Variants in PLEKHA7 observed in about 807,000 individuals in gnomAD.
The protein encoded by PLEKHA7 is pleckstrin homology domain containing A7, also known as pleckstrin homology domain-containing family A member 7.
A neutral mutation model predicts 170.0 loss-of-function variants in PLEKHA7; 104 were observed. That is an observed-to-expected ratio of 0.61 (90% CI 0.52 to 0.72). The LOEUF (loss-of-function observed/expected upper bound fraction) is 0.72, where lower values mean the gene tolerates loss of function less well. PLEKHA7 is among the 30% of genes least tolerant of loss of function. The probability of loss-of-function intolerance (pLI) is 0.00; values close to 1 mark genes in which losing one functional copy is unlikely to be tolerated. For missense variants in PLEKHA7, 1,615 were observed against 1,671.7 expected, an observed-to-expected ratio of 0.97 and a Z score of 0.59; for synonymous variants, 648 against 660.8, an observed-to-expected ratio of 0.98 and a Z score of 0.30.
At chr11:16,886,793 G>A (rs1856141205) in intron 3 of PLEKHA7, among the ~76,000 whole-genome samples, 1 of 150,640 alleles carries the variant, frequency 6.6e-6, no homozygotes, top group Non-Finnish European at 1.5e-5. Flanking sequence ...ACAATAACAT[G>A]TGACAACAGT....
chr11:16,907,513 G>A (rs1243247127), intron 3 of PLEKHA7, among the ~76,000 whole-genome samples: 1 of 113,078 alleles, frequency 8.8e-6, no homozygotes, highest in Non-Finnish European at 2.0e-5. Context: ...GGAGGGAGGC[G>A]GGGAGGTCAG....
At chr11:16,918,429 T>G (rs897952216) in intron 3 of PLEKHA7, among the ~76,000 whole-genome samples, 6 of 152,192 alleles carry the variant, frequency 3.9e-5, no homozygotes, top group Admixed American at 6.5e-5. Flanking sequence ...AAGGGGCAAC[T>G]GAAGCAGCCC....
In PLEKHA7 at chr11:16,789,163, T is replaced by C. The variant is rs759297170; in HGVS notation, c.3290A>G (p.Gln1097Arg). 1 of 1,612,160 alleles carries C rather than the reference T, an allele frequency of 6.2e-7. No individual in the cohort carries two copies. The highest frequency in any genetic ancestry group is 1.1e-5 in the South Asian group (1 of 91,082). Residue 1097 changes from glutamine to arginine, a missense_variant, in exon 23 of 27, where the codon CAA (glutamine) becomes CGA (arginine). By Grantham distance (43) the Gln-to-Arg change is conservative. Coordinates refer to ENST00000531066, the MANE Select transcript of PLEKHA7 (RefSeq NM_001329630.2). This position sits in a 1 kb window ranked among gnomAD's most constrained non-coding sequence, Gnocchi z 4.6. ...TGAGGGCAGGCCCGTCCTCTCCCCT[T>C]GGCCCAGTGTCCTCTTGCGCTCTCG... ...LVRERKRTLG[Q>R]GERTGLPSSR... is the part of the protein sequence containing the mutation.
intron 8 of PLEKHA7, among the ~76,000 whole-genome samples, chr11:16,849,302 A>G (rs986409075): frequency 6.6e-6 from 1 of 152,228 alleles, no homozygotes; most frequent in Non-Finnish European, 1.5e-5. Context: ...ATATATAGTT[A>G]TGATATGTTA....
chr11:16,783,844 G>T lies in PLEKHA7; in HGVS notation c.3517-11C>A. On this transcript the variant is annotated splice_polypyrimidine_tract_variant and intron_variant, in intron 24 of 26. Coordinates refer to ENST00000531066, the MANE Select transcript of PLEKHA7 (RefSeq NM_001329630.2). ...CTCTGGTTTGGACAGCTGGGGAGAG[G>T]CCAGGAGGTGGCAGAGGGAGAGGCT... 6.9e-7 allele frequency: 1 copy of T among 1,447,500 alleles called. No homozygotes were observed. Among genetic ancestry groups the T allele is most frequent in the African/African-American group, 1.4e-5 (1 of 69,252 alleles). 89.7% of individuals were successfully genotyped at this position (1,447,500 alleles called of 1,614,324 possible).
intron 3 of PLEKHA7, among the ~76,000 whole-genome samples, chr11:16,877,637 C>T (rs540462253): frequency 1.3e-5 from 2 of 152,314 alleles, no homozygotes; most frequent in South Asian, 4.1e-4. Context: ...ATAGGCATTC[C>T]TGTGACAGGC....
At chr11:16,798,414 G>T (rs996816146) in intron 17 of PLEKHA7, among the ~76,000 whole-genome samples, 14 of 152,096 alleles carry the variant, frequency 9.2e-5, no homozygotes, top group African/African-American at 3.1e-4. Context: ...GTTCTCCAGG[G>T]CGTCTGTGAC....
chr11:16,882,971 G>A (rs866992454), intron 3 of PLEKHA7, among the ~76,000 whole-genome samples: 18 of 152,058 alleles, frequency 1.2e-4, no homozygotes, highest in South Asian at 6.2e-4. Context: ...CACCCTAGAA[G>A]GTAAATTATA....
chr11:16,969,634 G>GCC (rs1862589803), intron 3 of PLEKHA7, among the ~76,000 whole-genome samples: 1 of 152,098 alleles, frequency 6.6e-6, no homozygotes, highest in South Asian at 2.1e-4. Context: ...CCTAGGACAG[G>GCC]CCCATGTTCC....
chr11:16,966,315 T>A (rs988989144), intron 3 of PLEKHA7, among the ~76,000 whole-genome samples: 1 of 151,738 alleles, frequency 6.6e-6, no homozygotes, highest in Non-Finnish European at 1.5e-5. Flanking sequence ...TGTGTGTGTG[T>A]GTGTGTGTGT....
rs1045701271 is a variant in PLEKHA7, at chr11:16,803,245, G to A, written c.2058C>T (p.Ile686=). 12 of 1,613,934 alleles carry A rather than the reference G, an allele frequency of 7.4e-6. No homozygotes were observed. The highest frequency in any genetic ancestry group is 5.5e-5 in the South Asian group (5 of 91,084). Residue 686 remains isoleucine (I), a synonymous_variant, in exon 14 of 27, where the codon ATC becomes ATT. Coordinates refer to ENST00000531066, the MANE Select transcript of PLEKHA7 (RefSeq NM_001329630.2). ...LKDRSLKPVK[I]AESDTDVKLS... ...CACTCACGTCAGTGTCGCTCTCAGC[G>A]ATCTTCACAGGCTTCAGACTTCGAT...
chr11:16,950,166 C>G (rs527824078), intron 3 of PLEKHA7, among the ~76,000 whole-genome samples: 1 of 152,120 alleles, frequency 6.6e-6, no homozygotes, highest in African/African-American at 2.4e-5. Flanking sequence ...AACCATTTTC[C>G]AAGAGCTGAG....
intron 9 of PLEKHA7, 57 bp from the exon 10 acceptor site, chr11:16,826,647 G>A (rs1167883818): frequency 3.4e-6 from 5 of 1,461,530 alleles, no homozygotes; most frequent in Admixed American, 1.7e-5. Flanking sequence ...ATGATGAAAT[G>A]CACTGTACAC....
intron 21 of PLEKHA7, chr11:16,790,200 C>A (rs1847744039): frequency 1.1e-5 from 4 of 365,180 alleles, no homozygotes; most frequent in African/African-American, 2.1e-5. Flanking sequence ...ACCCCCTGAT[C>A]CATTCTTAGG....
At chr11:16,954,915 C>G (rs189260511) in intron 3 of PLEKHA7, among the ~76,000 whole-genome samples, 1 of 152,092 alleles carries the variant, frequency 6.6e-6, no homozygotes, top group East Asian at 1.9e-4. Flanking sequence ...TGGTCTCAAA[C>G]TCCTGACCTC....
At chr11:16,901,048 T>C (rs1398508464) in intron 3 of PLEKHA7, among the ~76,000 whole-genome samples, 2 of 152,110 alleles carry the variant, frequency 1.3e-5, no homozygotes, top group African/African-American at 4.8e-5. Flanking sequence ...TTTCACCCCA[T>C]GTTGGCCAGG....
chr11:17,008,351 T>G (rs748965726), intron 3 of PLEKHA7, among the ~76,000 whole-genome samples: 6 of 152,190 alleles, frequency 3.9e-5, no homozygotes, highest in Non-Finnish European at 7.3e-5. Context: ...CAGTCCCAGA[T>G]GCAGAGCAAT....
intron 6 of PLEKHA7, among the ~76,000 whole-genome samples, chr11:16,854,242 T>C (rs1049230876): frequency 6.6e-6 from 1 of 152,186 alleles, no homozygotes; most frequent in Non-Finnish European, 1.5e-5. Context: ...GCAGGTCAAC[T>C]GGCAGTGGGG....
In PLEKHA7 at chr11:16,789,026, G is replaced by A; in HGVS notation, c.3357+70C>T. 6.6e-7 allele frequency: 1 copy of A among 1,525,928 alleles called. No individual in the cohort carries two copies. Among genetic ancestry groups the A allele is most frequent in the Admixed American group, 1.9e-5 (1 of 52,604 alleles). The allele number at this position is 1,525,928 out of a possible 1,614,324, so 94.5% of individuals were successfully genotyped here. On this transcript the variant is annotated intron_variant, in intron 23 of 26. Coordinates refer to ENST00000531066, the MANE Select transcript of PLEKHA7 (RefSeq NM_001329630.2). The surrounding 1 kb of genome is among the most constrained non-coding windows in gnomAD (Gnocchi z 4.6). ...TCTCACTGGGAGGTGTGATGTGCTT[G>A]TGTTTGGGGGACTCTGAGGGGCACT...
Sources: allele counts gnomAD v4.1 joint callset (sites outside exome capture counted in the v4.1 genomes callset), GRCh38; gene constraint gnomAD v4.1.1; non-coding constraint Gnocchi (gnomAD v3.1); transcripts MANE v1.5; gene names NCBI Gene and HGNC (gene_info 2026-07-23, HGNC 2026-07-21).